The following CCDC170 variants were observed in gnomAD, a reference collection of about 807,000 sequenced individuals.
CCDC170 encodes coiled-coil domain-containing protein 170.
CCDC170 carries 69 observed loss-of-function variants against 72.6 expected under a neutral mutation model. The observed-to-expected ratio is 0.95, with a 90% CI of 0.78 to 1.16. The LOEUF (loss-of-function observed/expected upper bound fraction) is 1.16. Among genes scored for constraint, CCDC170 ranks in the 50% most tolerant of loss-of-function variants. The pLI is 0.00. For synonymous variants in CCDC170, 300 were observed against 303.9 expected (o/e 0.99, Z 0.13); for missense variants, 852 against 832.5 (o/e 1.02, Z -0.29).
chr6:151,494,226 G>T (rs909666536), intron 1 of CCDC170, 41 bp downstream of exon 1: 22 of 1,478,388 alleles, frequency 1.5e-5, no homozygotes, highest in Non-Finnish European at 1.7e-5. Context: ...GGTGGCCCTG[G>T]GGATAGACGA....
intron 6 of CCDC170, among the ~76,000 whole-genome samples, chr6:151,575,488 G>A (rs1465459579): frequency 6.8e-6 from 1 of 147,340 alleles, no homozygotes; most frequent in African/African-American, 2.5e-5. Context: ...AACCTTAGTG[G>A]CCCCTTTAGC....
intron 5 of CCDC170, 50 bp from the exon 6 acceptor site, chr6:151,573,124 A>T: frequency 1.3e-6 from 2 of 1,522,156 alleles, no homozygotes; most frequent in South Asian, 1.2e-5. Flanking sequence ...ATGCAGGTGT[A>T]CCCTGTTGAC....
intron 1 of CCDC170, among the ~76,000 whole-genome samples, chr6:151,517,978 T>G (rs1003348434): frequency 2.0e-5 from 3 of 152,066 alleles, no homozygotes; most frequent in Admixed American, 6.6e-5. Flanking sequence ...CCCTTAAGCT[T>G]TGGATGGAAA....
At chr6:151,547,663 C>G (rs1782798711) in intron 4 of CCDC170, among the ~76,000 whole-genome samples, 1 of 151,832 alleles carries the variant, frequency 6.6e-6, no homozygotes, top group Admixed American at 6.5e-5. Flanking sequence ...TACAGGCCTC[C>G]CCCTGGCCCT....
chr6:151,592,230 C>G (rs745692960), intron 7 of CCDC170, among the ~76,000 whole-genome samples: 6 of 152,122 alleles, frequency 3.9e-5, no homozygotes, highest in South Asian at 2.1e-4. Context: ...CATGGTGGCA[C>G]GTGCCTGTAA....
intron 6 of CCDC170, among the ~76,000 whole-genome samples, chr6:151,584,183 T>A (rs1019594887): frequency 6.6e-6 from 1 of 152,186 alleles, no homozygotes; most frequent in Non-Finnish European, 1.5e-5. Flanking sequence ...ATAAAGTAAG[T>A]GCAATAAAGT....
intron 3 of CCDC170, among the ~76,000 whole-genome samples, chr6:151,541,529 C>T (rs947530206): frequency 6.6e-6 from 1 of 151,914 alleles, no homozygotes; most frequent in Non-Finnish European, 1.5e-5. Context: ...ATTTGTATCT[C>T]TTTTGTTTAC....
chr6:151,579,508 C>T (rs1776352343), intron 6 of CCDC170, among the ~76,000 whole-genome samples: 2 of 152,164 alleles, frequency 1.3e-5, no homozygotes, highest in South Asian at 4.1e-4. Context: ...CAGGTATCCC[C>T]TGCAAATTTC....
At position 151,615,649 on chromosome 6, in the gene CCDC170, T is replaced by C; in HGVS notation, c.1917T>C (p.Ser639=). The C allele has an allele frequency of 6.2e-7, 1 of 1,613,898 alleles. No homozygotes were observed. The highest frequency in any genetic ancestry group is 8.5e-7 in the Non-Finnish European group (1 of 1,179,930). ...VTSEMKTLKK[S]LEEAEKREKQ... is the part of the protein sequence containing the mutation. ...GTGAAATGAAGACACTAAAAAAATC[T>C]CTGGAAGAAGCAGAAAAGAGAGAAA... The change falls in exon 10 of 11, where the codon TCT becomes TCC. Residue 639 remains serine (S), a synonymous_variant. Coordinates refer to ENST00000239374, the MANE Select transcript of CCDC170 (RefSeq NM_025059.4).
rs779091982 is a variant in CCDC170, at chr6:151,618,180, A to G, written c.*33A>G. 1.0e-5 allele frequency: 16 copies of G among 1,548,558 alleles called. No homozygotes were observed. The Admixed American group carries it at 2.8e-4, about 27-fold the overall frequency. ...ATCTCTTGAGAGAGGTGGCCATAAG[A>G]CATGGCACACAATTCCCAATTTCAC... On this transcript the variant is annotated 3_prime_UTR_variant, in exon 11 of 11. Coordinates refer to ENST00000239374, the MANE Select transcript of CCDC170 (RefSeq NM_025059.4).
chr6:151,596,789 G>A (rs1776632853), intron 9 of CCDC170, among the ~76,000 whole-genome samples: 1 of 152,156 alleles, frequency 6.6e-6, no homozygotes, highest in South Asian at 2.1e-4. Context: ...AGCCATCATT[G>A]CTAGGTGAAA....
At chr6:151,514,086 G>A (rs1384267753) in intron 1 of CCDC170, among the ~76,000 whole-genome samples, 1 of 151,672 alleles carries the variant, frequency 6.6e-6, no homozygotes, top group Non-Finnish European at 1.5e-5. Flanking sequence ...TGGTAACTGG[G>A]ATAAAAAGAA....
chr6:151,564,043 T>C (rs1776089161), intron 5 of CCDC170, among the ~76,000 whole-genome samples: 1 of 152,232 alleles, frequency 6.6e-6, no homozygotes, highest in Non-Finnish European at 1.5e-5. Context: ...GAGAGTCCTA[T>C]TGTGCTCCTT....
At chr6:151,495,416 C>T (rs1781894093) in intron 1 of CCDC170, among the ~76,000 whole-genome samples, 1 of 151,608 alleles carries the variant, frequency 6.6e-6, no homozygotes, top group Non-Finnish European at 1.5e-5. Flanking sequence ...TTTGGTGAGC[C>T]CATTGAGAGT....
In CCDC170 at chr6:151,540,373, C is replaced by CTTTTTTTTTTTTTTTTTTTTTTTTT. The variant is rs779650559; in HGVS notation, c.443+2077_443+2101dup. On this transcript the variant is annotated intron_variant, in intron 3 of 10. Transcript: ENST00000239374. ...CCTCCTCCTCCTTCTTCTGCTGCTG[C>CTTTTTTTTTTTTTTTTTTTTTTTTT]TTTTTTTTTTTTTTTTTTTTTTTTT... Among the ~76,000 whole-genome samples, 7 of 37,982 alleles carry CTTTTTTTTTTTTTTTTTTTTTTTTT rather than the reference C, an allele frequency of 1.8e-4. 3 individuals carry two copies. Among genetic ancestry groups the CTTTTTTTTTTTTTTTTTTTTTTTTT allele is most frequent in the Admixed American group, 6.0e-4 (1 of 1,672 alleles). The allele number at this position is 37,982 out of a possible 152,430, so 24.9% of individuals were successfully genotyped here.
rs940307943 is a variant in CCDC170, at chr6:151,496,237, C to T, written c.57+2052C>T. On this transcript the variant is annotated intron_variant, in intron 1 of 10. Transcript: ENST00000239374. Reference sequence around the variant, plus strand: ...TCACATCAGGAGGGGCATATATCAGCTTATCCCATTATTGGTGATGTCCCC... The same window carrying T: ...TCACATCAGGAGGGGCATATATCAGTTTATCCCATTATTGGTGATGTCCCC... 7.2e-5 allele frequency among the ~76,000 whole-genome samples: 11 copies of T among 152,318 alleles called. No individual in the cohort carries two copies. The Middle Eastern group carries it at 0.01, about 141-fold the overall frequency.
intron 1 of CCDC170, among the ~76,000 whole-genome samples, chr6:151,527,275 C>G (rs1267642986): frequency 6.6e-6 from 1 of 151,980 alleles, no homozygotes; most frequent in Non-Finnish European, 1.5e-5. Flanking sequence ...ACAATATGAT[C>G]AGTTTTTTCA....
intron 5 of CCDC170, among the ~76,000 whole-genome samples, chr6:151,550,742 A>C (rs895669509): frequency 6.6e-6 from 1 of 152,192 alleles, no homozygotes; most frequent in Non-Finnish European, 1.5e-5. Context: ...CTCATCCTGC[A>C]TGTAGATGGC....
Position 151,618,590 on chromosome 6 carries a change from C to G in CCDC170, c.*443C>G, listed in dbSNP as rs1027452916. The G allele has an allele frequency of 2.9e-5, 5 of 169,926 alleles. No homozygotes were observed. Among genetic ancestry groups the G allele is most frequent in the African/African-American group, 1.2e-4 (5 of 41,690 alleles). The allele number at this position is 169,926 out of a possible 1,614,324, so 10.5% of individuals were successfully genotyped here. A position where few individuals can be genotyped will look rare whatever the true frequency, so the allele number is the denominator to read the frequency against. On this transcript the variant is annotated 3_prime_UTR_variant, in exon 11 of 11. Transcript: ENST00000239374. ...TGGGTAGTGGTGGGACCAGGATGGACAACTCATTGGCCCTGCCTCAAAAGC... is the reference window on the plus strand; with the variant it reads ...TGGGTAGTGGTGGGACCAGGATGGAGAACTCATTGGCCCTGCCTCAAAAGC...
Sources: gnomAD v4.1 joint callset for allele counts (sites outside exome capture counted in the v4.1 genomes callset) on GRCh38, gnomAD v4.1.1 for gene constraint, MANE v1.5 for transcripts, NCBI Gene and HGNC (gene_info 2026-07-23, HGNC 2026-07-21) for gene names.